Variants in KCNMB2 observed in about 807,000 individuals in gnomAD.
KCNMB2 encodes the protein calcium-activated potassium channel subunit beta-2.
Under a neutral mutation model 24.5 loss-of-function variants are expected in KCNMB2, and 9 were observed. The ratio of observed to expected loss-of-function variants is 0.37; its 90% CI spans 0.22 to 0.64. The LOEUF (loss-of-function observed/expected upper bound fraction) is 0.64, where lower values mean the gene tolerates loss of function less well. KCNMB2 is among the 30% of genes least tolerant of loss of function. The probability of loss-of-function intolerance (pLI) is 0.63; values close to 1 mark genes in which losing one functional copy is unlikely to be tolerated. For missense variants in KCNMB2, 226 were observed against 284.3 expected (o/e 0.79, Z 1.47); for synonymous variants, 109 against 104.4 (o/e 1.04, Z -0.27).
intron 1 of KCNMB2, among the ~76,000 whole-genome samples, chr3:178,585,916 C>T (rs2108493998): frequency 6.6e-6 from 1 of 152,308 alleles, no homozygotes; most frequent in African/African-American, 2.4e-5. Flanking sequence ...TGTTCGCACA[C>T]TGCCATGTAA....
Position 178,655,138 on chromosome 3 carries a change from C to CTA in KCNMB2, c.-68+118428_-68+118429insAT, listed in dbSNP as rs1553828573. Among the ~76,000 whole-genome samples the CTA allele has an allele frequency of 8.1e-3, 1,121 of 137,870 alleles. 10 individuals carry two copies. Among genetic ancestry groups the CTA allele is most frequent in the South Asian group, 0.018 (82 of 4,446 alleles). 90.4% of individuals were successfully genotyped at this position (137,870 alleles called of 152,430 possible). A position where few individuals can be genotyped will look rare whatever the true frequency, so the allele number is the denominator to read the frequency against. On this transcript the variant is annotated intron_variant, in intron 1 of 4. Coordinates refer to ENST00000452583, the MANE Select transcript of KCNMB2 (RefSeq NM_181361.3). ...TCTCTCTCTCTCTCTCTCTCTCTCT[C>CTA]TCTCTATCTCTATTTCTCTGGGACT...
intron 1 of KCNMB2, among the ~76,000 whole-genome samples, chr3:178,591,798 C>T (rs1419086188): frequency 1.3e-5 from 2 of 152,106 alleles, no homozygotes; most frequent in Admixed American, 6.6e-5. Flanking sequence ...TTCCTGTGAA[C>T]CCCTGGGATT....
chr3:178,843,036 G>A lies in KCNMB2; in HGVS notation c.*99G>A. On this transcript the variant is annotated 3_prime_UTR_variant, in exon 5 of 5. Coordinates refer to ENST00000452583, the MANE Select transcript of KCNMB2 (RefSeq NM_181361.3). ...AAGTTTGTAACGTGCAGTCTGTTAT[G>A]AGTTCCCTAATATATTCTTATATGT... 1.1e-6 allele frequency: 1 copy of A among 943,092 alleles called. No homozygotes were observed. Among genetic ancestry groups the A allele is most frequent in the Non-Finnish European group, 1.6e-6 (1 of 625,592 alleles). 58.4% of individuals were successfully genotyped at this position (943,092 alleles called of 1,614,324 possible).
intron 4 of KCNMB2, among the ~76,000 whole-genome samples, chr3:178,835,288 G>A (rs963070501): frequency 6.6e-6 from 1 of 151,964 alleles, no homozygotes; most frequent in African/African-American, 2.4e-5. Flanking sequence ...TAAATACTTG[G>A]AACGGTCCAC....
At chr3:178,683,947 C>T (rs1004695735) in intron 1 of KCNMB2, among the ~76,000 whole-genome samples, 2 of 152,164 alleles carry the variant, frequency 1.3e-5, no homozygotes, top group African/African-American at 4.8e-5. Context: ...CCAACAACCC[C>T]TCTTCTGGTC....
chr3:178,678,531 T>C (rs578107528), intron 1 of KCNMB2, among the ~76,000 whole-genome samples: 25 of 152,368 alleles, frequency 1.6e-4, no homozygotes, highest in African/African-American at 5.5e-4. Context: ...TTCAGCCTTA[T>C]GTGAATGGCT....
intron 1 of KCNMB2, among the ~76,000 whole-genome samples, chr3:178,721,948 C>G (rs113773141): frequency 0.014 from 2,139 of 152,240 alleles, 53 homozygotes; most frequent in African/African-American, 0.048. Context: ...TTTTACACAT[C>G]CTTCTTACAA....
intron 1 of KCNMB2, among the ~76,000 whole-genome samples, chr3:178,791,660 AAAG>A (rs1467710267): frequency 6.6e-6 from 1 of 152,174 alleles, no homozygotes; most frequent in Non-Finnish European, 1.5e-5. Context: ...GATTTAACTC[AAAG>A]AAGATTACCT....
intron 1 of KCNMB2, among the ~76,000 whole-genome samples, chr3:178,719,044 T>C (rs1427301995): frequency 2.6e-5 from 4 of 152,342 alleles, no homozygotes; most frequent in Non-Finnish European, 5.9e-5. Context: ...CCCAGCCCTG[T>C]GACTTTTTCA....
In KCNMB2 at chr3:178,723,388, A is replaced by C. The variant is rs1577126833; in HGVS notation, c.-67-83955A>C. ...TCTCCATCTATTCATGTCTTTCATC[A>C]GCATTTTGTAGTTTTCAGCAAATAA... On this transcript the variant is annotated intron_variant, in intron 1 of 4. Transcript: ENST00000452583. Among the ~76,000 whole-genome samples, 8 of 152,308 alleles carry C rather than the reference A, an allele frequency of 5.3e-5. No individual in the cohort carries two copies. In the South Asian group the frequency reaches 1.7e-3, roughly 32 times the overall value.
intron 1 of KCNMB2, among the ~76,000 whole-genome samples, chr3:178,566,771 G>C (rs75766844): frequency 0.022 from 3,294 of 152,228 alleles, 110 homozygotes; most frequent in African/African-American, 0.076. Flanking sequence ...AGCAAAAATT[G>C]ATTTTACTAA....
chr3:178,812,427 C>T (rs1577207199), intron 2 of KCNMB2, among the ~76,000 whole-genome samples: 1 of 141,110 alleles, frequency 7.1e-6, no homozygotes, highest in East Asian at 2.2e-4. Context: ...GTGATGTTCC[C>T]CTTCCTGTGT....
At chr3:178,563,593 C>T (rs553945091) in intron 1 of KCNMB2, among the ~76,000 whole-genome samples, 1 of 152,274 alleles carries the variant, frequency 6.6e-6, no homozygotes, top group African/African-American at 2.4e-5. Flanking sequence ...TTTCACTTCT[C>T]AGACAGGACT....
At chr3:178,750,600 C>T (rs546204165) in intron 1 of KCNMB2, among the ~76,000 whole-genome samples, 1 of 152,274 alleles carries the variant, frequency 6.6e-6, no homozygotes, top group East Asian at 1.9e-4. Context: ...GAAGGAGTCA[C>T]TTTGTCTCCT....
At chr3:178,555,461 G>A (rs1044517300) in intron 1 of KCNMB2, among the ~76,000 whole-genome samples, 6 of 152,174 alleles carry the variant, frequency 3.9e-5, no homozygotes, top group Non-Finnish European at 8.8e-5. Flanking sequence ...TAAAATGGGT[G>A]CTCATAATAT....
At chr3:178,732,886 T>C (rs1323233199) in intron 1 of KCNMB2, among the ~76,000 whole-genome samples, 2 of 152,132 alleles carry the variant, frequency 1.3e-5, no homozygotes. Flanking sequence ...CCACAAATAA[T>C]GAGACGAGGC....
intron 1 of KCNMB2, among the ~76,000 whole-genome samples, chr3:178,563,688 C>T (rs1269187495): frequency 1.3e-5 from 2 of 152,014 alleles, no homozygotes; most frequent in African/African-American, 4.8e-5. Context: ...ATATGCAATC[C>T]TAGAAAGTAA....
chr3:178,650,577 G>C (rs1002346199), intron 1 of KCNMB2, among the ~76,000 whole-genome samples: 7 of 151,942 alleles, frequency 4.6e-5, no homozygotes, highest in Non-Finnish European at 7.4e-5. Flanking sequence ...GCATCATCCT[G>C]ATACCAAAAC....
intron 1 of KCNMB2, among the ~76,000 whole-genome samples, chr3:178,806,725 C>T (rs984763780): frequency 6.6e-6 from 1 of 151,412 alleles, no homozygotes; most frequent in African/African-American, 2.4e-5. Flanking sequence ...TAACCCACAA[C>T]ATTCTTAAAA....
Sources: gnomAD v4.1 joint callset for allele counts (sites outside exome capture counted in the v4.1 genomes callset) on GRCh38, gnomAD v4.1.1 for gene constraint, MANE v1.5 for transcripts, NCBI Gene and HGNC (gene_info 2026-07-23, HGNC 2026-07-21) for gene names.